The following PTH2R variants were observed in gnomAD, a reference collection of about 807,000 sequenced individuals.
PTH2R encodes PTH2 receptor.
A neutral mutation model predicts 60.3 loss-of-function variants in PTH2R; 59 were observed. The ratio of observed to expected loss-of-function variants is 0.98; its 90% CI spans 0.79 to 1.22. The LOEUF (loss-of-function observed/expected upper bound fraction) is 1.22, where lower values mean the gene tolerates loss of function less well. Among genes scored for constraint, PTH2R ranks in the 50% most tolerant of loss-of-function variants. The probability of loss-of-function intolerance (pLI) is 0.00; values close to 1 mark genes in which losing one functional copy is unlikely to be tolerated. For missense variants in PTH2R, 749 were observed against 682.6 expected (o/e 1.10, Z -1.08); for synonymous variants, 256 against 243.8 (o/e 1.05, Z -0.47).
At chr2:208,439,751 A>G (rs751579504) in intron 4 of PTH2R, among the ~76,000 whole-genome samples, 3 of 152,176 alleles carry the variant, frequency 2.0e-5, no homozygotes, top group Non-Finnish European at 2.9e-5. Context: ...AGCATACTGT[A>G]GAAACTACCA....
intron 1 of PTH2R, among the ~76,000 whole-genome samples, chr2:208,386,510 G>T (rs1426743558): frequency 6.6e-6 from 1 of 152,200 alleles, no homozygotes; most frequent in East Asian, 1.9e-4. Flanking sequence ...GTTTGTGTGT[G>T]TGCGTGTGTG....
At chr2:208,402,243 T>C (rs1701323617), upstream of PTH2R, among the ~76,000 whole-genome samples, 1 of 152,232 alleles carries the variant, frequency 6.6e-6, no homozygotes, top group South Asian at 2.1e-4. Context: ...ATTTTCTCAC[T>C]ATCCTGGAAG....
intron 1 of PTH2R, among the ~76,000 whole-genome samples, chr2:208,372,887 C>G (rs1700726925): frequency 1.3e-5 from 2 of 151,996 alleles, no homozygotes; most frequent in South Asian, 4.1e-4. Flanking sequence ...GAGTTCAAAA[C>G]CAGTCTGGGC....
At chr2:208,368,197 C>T (rs568644626) in intron 1 of PTH2R, among the ~76,000 whole-genome samples, 57 of 152,264 alleles carry the variant, frequency 3.7e-4, no homozygotes, top group African/African-American at 1.2e-3. Flanking sequence ...CCCAGCCCTT[C>T]GACTACCCAA....
At chr2:208,393,006 C>T (rs1471215923) in intron 1 of PTH2R, among the ~76,000 whole-genome samples, 1 of 152,216 alleles carries the variant, frequency 6.6e-6, no homozygotes, top group Non-Finnish European at 1.5e-5. Flanking sequence ...CTGGGCATTC[C>T]TTCTTAAAAT....
chr2:208,383,632 T>G (rs918211316), intron 1 of PTH2R, among the ~76,000 whole-genome samples: 1 of 152,246 alleles, frequency 6.6e-6, no homozygotes, highest in Admixed American at 6.5e-5. Flanking sequence ...TCTTCTGTCT[T>G]GTAAATGATC....
At chr2:208,417,271 A>G (rs975779507) in intron 1 of PTH2R, among the ~76,000 whole-genome samples, 1 of 152,188 alleles carries the variant, frequency 6.6e-6, no homozygotes, top group Non-Finnish European at 1.5e-5. Context: ...ACATTGTAAA[A>G]TTAGTCTTTT....
intron 4 of PTH2R, among the ~76,000 whole-genome samples, chr2:208,441,635 A>G (rs1385189764): frequency 6.6e-6 from 1 of 152,368 alleles, no homozygotes; most frequent in East Asian, 1.9e-4. Context: ...GACAGAAAAC[A>G]GATTAATGGT....
Position 208,433,946 on chromosome 2 carries a change from A to G in PTH2R, c.179-3591A>G, listed in dbSNP as rs774779860. Among the ~76,000 whole-genome samples, 6 of 152,244 alleles carry G rather than the reference A, an allele frequency of 3.9e-5. No homozygotes were observed. In the South Asian group the frequency reaches 6.2e-4, roughly 16 times the overall value. ...ATGGGGAGCCATTAGTCAATTAATT[A>G]GGTCCTTGCCAAATAATGAAAGTAT... is the stretch of plus-strand genomic sequence containing the variant. On this transcript the variant is annotated intron_variant, in intron 2 of 12. Coordinates refer to ENST00000272847, the MANE Select transcript of PTH2R (RefSeq NM_005048.4).
chr2:208,464,572 C>T (rs986264279), intron 9 of PTH2R, among the ~76,000 whole-genome samples: 3 of 152,146 alleles, frequency 2.0e-5, no homozygotes, highest in Admixed American at 6.5e-5. Context: ...CCAAATGTGT[C>T]GCAGTAGTTA....
chr2:208,482,804 C>G (rs984643582), intron 10 of PTH2R, among the ~76,000 whole-genome samples: 2 of 152,068 alleles, frequency 1.3e-5, no homozygotes, highest in Non-Finnish European at 2.9e-5. Flanking sequence ...GGACAGGCAC[C>G]CCCCATGCGT....
Position 208,437,748 on chromosome 2 carries a change from A to T in PTH2R, c.290-12A>T. 6.2e-7 allele frequency: 1 copy of T among 1,609,708 alleles called. No individual in the cohort carries two copies. Among genetic ancestry groups the T allele is most frequent in the African/African-American group, 1.3e-5 (1 of 75,012 alleles). On this transcript the variant is annotated splice_polypyrimidine_tract_variant and intron_variant, in intron 3 of 12. Coordinates refer to ENST00000272847, the MANE Select transcript of PTH2R (RefSeq NM_005048.4). ...GAACTGAGCGATCTCAGCATCTTTCATGTCTTTACAGGAGTTGCTTTCCGA... is the reference window on the plus strand; with the variant it reads ...GAACTGAGCGATCTCAGCATCTTTCTTGTCTTTACAGGAGTTGCTTTCCGA...
chr2:208,414,367 T>C (rs1701597809), intron 1 of PTH2R, among the ~76,000 whole-genome samples: 1 of 152,172 alleles, frequency 6.6e-6, no homozygotes, highest in Non-Finnish European at 1.5e-5. Flanking sequence ...CCATTTAATA[T>C]ATCTGGTGAC....
chr2:208,403,510 T>C (rs996012518), upstream of PTH2R, among the ~76,000 whole-genome samples: 3 of 152,184 alleles, frequency 2.0e-5, no homozygotes, highest in African/African-American at 7.2e-5. Context: ...TGCTAACTGA[T>C]CTAACAATTA....
chr2:208,363,152 G>T (rs1700511726), intron 1 of PTH2R, among the ~76,000 whole-genome samples: 1 of 152,060 alleles, frequency 6.6e-6, no homozygotes, highest in African/African-American at 2.4e-5. Context: ...TACCTGATAG[G>T]TAGTTTTTTG....
chr2:208,382,146 AT>A (rs1359725331), intron 1 of PTH2R, among the ~76,000 whole-genome samples: 2 of 151,976 alleles, frequency 1.3e-5, no homozygotes, highest in Admixed American at 6.6e-5. Flanking sequence ...TTATTTATTT[AT>A]TTTATCAGTA....
At chr2:208,420,706 A>C (rs977059897) in intron 1 of PTH2R, among the ~76,000 whole-genome samples, 3 of 152,202 alleles carry the variant, frequency 2.0e-5, no homozygotes, top group African/African-American at 7.2e-5. Flanking sequence ...AGTTTCTTTC[A>C]ATGGTAACAT....
At chr2:208,443,679 G>GT in intron 6 of PTH2R, 142 bp downstream of exon 6, 1 of 626,114 alleles carries the variant, frequency 1.6e-6, no homozygotes, top group Non-Finnish European at 2.5e-6. Context: ...GTATAGTGAT[G>GT]TTTTCTCCCT....
At chr2:208,362,362 G>A (rs1700491280) in intron 1 of PTH2R, among the ~76,000 whole-genome samples, 1 of 151,988 alleles carries the variant, frequency 6.6e-6, no homozygotes, top group South Asian at 2.1e-4. Flanking sequence ...AATTCATATA[G>A]ATATGATATC....
Sources: allele counts gnomAD v4.1 joint callset (sites outside exome capture counted in the v4.1 genomes callset), GRCh38; gene constraint gnomAD v4.1.1; transcripts MANE v1.5; gene names NCBI Gene and HGNC (gene_info 2026-07-23, HGNC 2026-07-21).